Variants in BACH2 observed in about 807,000 individuals in gnomAD.
BACH2 encodes BACH transcriptional regulator 2, also known as transcription regulator protein BACH2.
A neutral mutation model predicts 61.8 loss-of-function variants in BACH2; 5 were observed. That is an observed-to-expected ratio of 0.08 (90% CI 0.04 to 0.17). BACH2 has a LOEUF of 0.17. Ranked by LOEUF, BACH2 falls within the 10% of genes least tolerant of loss-of-function variation. The pLI, the probability that BACH2 is intolerant of heterozygous loss-of-function variation, is 1.00. For synonymous variants in BACH2, 446 were observed against 440.1 expected (o/e 1.01, Z -0.17); for missense variants, 824 against 1,091.1 (o/e 0.76, Z 3.45).
intron 6 of BACH2, among the ~76,000 whole-genome samples, chr6:90,004,361 C>T (rs764283127): frequency 2.0e-5 from 3 of 152,098 alleles, no homozygotes; most frequent in Non-Finnish European, 4.4e-5. Context: ...TCTATTTATA[C>T]CGAGGAAAAC....
intron 1 of BACH2, among the ~76,000 whole-genome samples, chr6:90,295,854 C>A (rs1772344716): frequency 6.6e-6 from 1 of 152,182 alleles, no homozygotes. Flanking sequence ...TCGCCTCTTC[C>A]TGCGACCCTA....
intron 5 of BACH2, among the ~76,000 whole-genome samples, chr6:90,027,087 C>G (rs1379807767): frequency 6.6e-6 from 1 of 152,112 alleles, no homozygotes; most frequent in Non-Finnish European, 1.5e-5. Flanking sequence ...ATGATGAAAA[C>G]CATGAGGCTA....
At chr6:90,070,518 G>A (rs1368349401) in intron 5 of BACH2, among the ~76,000 whole-genome samples, 2 of 152,084 alleles carry the variant, frequency 1.3e-5, no homozygotes, top group Non-Finnish European at 2.9e-5. Flanking sequence ...GATGTCCCAC[G>A]GTCCTCCTGA....
intron 5 of BACH2, chr6:90,062,760 GT>G (rs34103730): frequency 7.5e-3 from 1,357 of 180,158 alleles, no homozygotes; most frequent in Non-Finnish European, 0.013. Context: ...CTCTCCAACT[GT>G]TTTTTTTTTT....
chr6:90,131,544 G>C (rs1029057469), intron 4 of BACH2, among the ~76,000 whole-genome samples: 1 of 152,180 alleles, frequency 6.6e-6, no homozygotes, highest in Admixed American at 6.5e-5. Context: ...TGAATAGATA[G>C]GCAAGCTCCA....
intron 1 of BACH2, among the ~76,000 whole-genome samples, chr6:90,278,488 G>A (rs563907732): frequency 1.2e-4 from 18 of 152,288 alleles, no homozygotes; most frequent in African/African-American, 4.1e-4. Flanking sequence ...CCTGAGCATT[G>A]AACAGCTATG....
intron 6 of BACH2, among the ~76,000 whole-genome samples, chr6:89,993,625 ATTAAG>A (rs917192133): frequency 6.6e-5 from 10 of 152,046 alleles, no homozygotes; most frequent in African/African-American, 2.4e-4. Flanking sequence ...TCACACACCA[ATTAAG>A]TTGTCTTCTT....
intron 4 of BACH2, among the ~76,000 whole-genome samples, chr6:90,141,633 G>C (rs1784464065): frequency 6.6e-6 from 1 of 151,806 alleles, no homozygotes; most frequent in Non-Finnish European, 1.5e-5. Flanking sequence ...AAACAGCTTT[G>C]CTAACTTGAG....
At chr6:90,201,377 T>C (rs1030764230) in intron 4 of BACH2, among the ~76,000 whole-genome samples, 8 of 152,234 alleles carry the variant, frequency 5.3e-5, no homozygotes, top group African/African-American at 7.2e-5. Flanking sequence ...ATCAATTGTA[T>C]AGGTGAAAAA....
intron 4 of BACH2, among the ~76,000 whole-genome samples, chr6:90,131,974 G>A (rs1410491346): frequency 2.0e-5 from 3 of 152,246 alleles, no homozygotes; most frequent in African/African-American, 7.2e-5. Context: ...GTTCATGCCA[G>A]GAGGTCAAGA....
At chr6:90,040,663 C>A (rs759692671) in intron 5 of BACH2, among the ~76,000 whole-genome samples, 3 of 151,926 alleles carry the variant, frequency 2.0e-5, no homozygotes, top group Non-Finnish European at 4.4e-5. Context: ...TTATTCACAT[C>A]TTTGTTTTTT....
chr6:90,293,592 A>G (rs1263000251), intron 1 of BACH2, among the ~76,000 whole-genome samples: 1 of 152,240 alleles, frequency 6.6e-6, no homozygotes, highest in South Asian at 2.1e-4. Context: ...AGATCTGAAC[A>G]TGAACCTGAC....
chr6:90,245,070 G>A (rs2127867117), intron 3 of BACH2, among the ~76,000 whole-genome samples: 1 of 152,166 alleles, frequency 6.6e-6, no homozygotes, highest in South Asian at 2.1e-4. Flanking sequence ...GGTGGCAGGT[G>A]CCTGTAATCC....
chr6:89,944,531 T>C (rs1184912696), intron 7 of BACH2, among the ~76,000 whole-genome samples: 1 of 152,250 alleles, frequency 6.6e-6, no homozygotes, highest in African/African-American at 2.4e-5. Flanking sequence ...AAAACTTGCC[T>C]GATTCACCAA....
chr6:90,114,619 C>T (rs573293636), intron 4 of BACH2, among the ~76,000 whole-genome samples: 5 of 152,308 alleles, frequency 3.3e-5, no homozygotes, highest in African/African-American at 7.2e-5. Context: ...GACAAGGGTG[C>T]CCTCTCTCAC....
chr6:90,037,221 C>A (rs1324497383), intron 5 of BACH2, among the ~76,000 whole-genome samples: 2 of 152,152 alleles, frequency 1.3e-5, no homozygotes, highest in Non-Finnish European at 2.9e-5. Context: ...AAAATCCATA[C>A]CCATGCCCAG....
At chr6:90,073,510 T>C (rs1274274672) in intron 5 of BACH2, among the ~76,000 whole-genome samples, 1 of 152,222 alleles carries the variant, frequency 6.6e-6, no homozygotes, top group Non-Finnish European at 1.5e-5. Context: ...CTGCAAATAC[T>C]TGAAAACCTT....
At chr6:90,092,422 T>C (rs1187037735) in intron 4 of BACH2, among the ~76,000 whole-genome samples, 3 of 151,508 alleles carry the variant, frequency 2.0e-5, no homozygotes, top group African/African-American at 7.3e-5. Flanking sequence ...TAATGCCACA[T>C]GGTATATTAT....
At chr6:89,945,077 T>C (rs1320940831) in intron 7 of BACH2, among the ~76,000 whole-genome samples, 1 of 152,196 alleles carries the variant, frequency 6.6e-6, no homozygotes, top group Non-Finnish European at 1.5e-5. Flanking sequence ...CTGGTGGGAA[T>C]TTGAAATGGT....
Sources: allele counts gnomAD v4.1 joint callset (sites outside exome capture counted in the v4.1 genomes callset), GRCh38; gene constraint gnomAD v4.1.1; transcripts MANE v1.5; gene names NCBI Gene and HGNC (gene_info 2026-07-23, HGNC 2026-07-21).